RSPH10B: variants seen among roughly 807,000 people sequenced by gnomAD.
RSPH10B encodes the protein radial spoke head 10 homolog B, also known as radial spoke head 10 homolog B (Chlamydomonas).
In RSPH10B, 7 loss-of-function variants were observed where a neutral mutation model predicts 52.5. The observed-to-expected ratio is 0.13, with a 90% CI of 0.08 to 0.25. The LOEUF (loss-of-function observed/expected upper bound fraction) is 0.25, where lower values mean the gene tolerates loss of function less well. RSPH10B is among the 10% of genes least tolerant of loss of function. The pLI is 1.00. For synonymous variants in RSPH10B, 28 were observed against 193.2 expected (o/e 0.14, Z 7.09); for missense variants, 89 against 542.5 (o/e 0.16, Z 8.30).
chr7:5,953,735 CCT>C (rs1324126106), intron 7 of RSPH10B, among the ~76,000 whole-genome samples: 1 of 151,738 alleles, frequency 6.6e-6, no homozygotes, highest in Non-Finnish European at 1.5e-5. Context: ...CTCCCCCTCC[CCT>C]CTCTCTCTCC....
At chr7:5,947,925 G>A (rs1780499291) in intron 10 of RSPH10B, among the ~76,000 whole-genome samples, 1 of 85,352 alleles carries the variant, frequency 1.2e-5, no homozygotes, top group Admixed American at 1.2e-4. Context: ...AGGCTGGAGT[G>A]CAATGGCACA....
intron 17 of RSPH10B, among the ~76,000 whole-genome samples, chr7:5,930,973 A>C: frequency 2.7e-5 from 2 of 75,074 alleles, no homozygotes; most frequent in East Asian, 5.4e-4. Context: ...TCTCACTGTC[A>C]CCCAGGCTGG....
exon 6 of RSPH10B, chr7:5,957,910 G>A (rs1780783995): frequency 7.6e-7 from 1 of 1,323,972 alleles, no homozygotes; most frequent in Non-Finnish European, 9.9e-7. Flanking sequence ...GGCGTACCTG[G>A]ATGCCCCTCT....
chr7:5,942,723 G>C (rs1440016220), intron 13 of RSPH10B, among the ~76,000 whole-genome samples: 1 of 150,642 alleles, frequency 6.6e-6, no homozygotes, highest in Non-Finnish European at 1.5e-5. Flanking sequence ...TTAGCCAGGT[G>C]TGGTGGCGGG....
rs1188502014 is a variant in RSPH10B at position 5,957,927 on chromosome 7, G to A, written c.760C>T (p.Arg254Trp). ...CGTACCTGGATGCCCCTCTCCCACC[G>A]CCCGGTGTACTCTTCGTTGGTGGTC... The change falls in exon 6 of 19, where the codon CGG becomes TGG. Residue 254 changes from arginine to tryptophan, a missense_variant. Arg to Trp is a moderately radical substitution (Grantham distance 101). Transcript: ENST00000337579. The A allele has an allele frequency of 6.8e-5, 89 of 1,314,250 alleles. No homozygotes were observed. Among genetic ancestry groups the A allele is most frequent in the East Asian group, 4.8e-4 (12 of 25,162 alleles). The allele number at this position is 1,314,250 out of a possible 1,614,324, so 81.4% of individuals were successfully genotyped here.
At chr7:5,926,962 C>A (rs1267636577) in intron 18 of RSPH10B, among the ~76,000 whole-genome samples, 1 of 150,892 alleles carries the variant, frequency 6.6e-6, no homozygotes, top group Non-Finnish European at 1.5e-5. Context: ...ACCAGGTTGG[C>A]CAGGCTGGTC....
chr7:5,927,127 T>G (rs1362475941), intron 18 of RSPH10B, among the ~76,000 whole-genome samples: 2 of 145,270 alleles, frequency 1.4e-5, no homozygotes, highest in Non-Finnish European at 3.0e-5. Flanking sequence ...GGTCTTACTG[T>G]GTTGCCCAGG....
intron 13 of RSPH10B, 63 bp downstream of exon 15, chr7:5,943,261 C>A: frequency 6.4e-7 from 1 of 1,552,722 alleles, no homozygotes; most frequent in South Asian, 1.2e-5. Flanking sequence ...AATATCCTGC[C>A]TTTCTTTAAT....
At position 5,926,371 on chromosome 7, in the gene RSPH10B, CT is replaced by C. The variant is rs1487883677; in HGVS notation, c.2609del (p.Lys870SerfsTer26). ...GTGTGTGTGTCCTCGTGTCTCTCTA[CT>C]TTTTCTTCTTCTTGCTGGTGATGGT... On this transcript the variant is annotated frameshift_variant, in exon 19 of 19. Coordinates refer to ENST00000337579, the Ensembl canonical transcript of RSPH10B. LOFTEE classifies it high-confidence loss of function. The C allele has an allele frequency of 2.1e-6, 3 of 1,443,344 alleles. No individual in the cohort carries two copies. In the Admixed American group the frequency reaches 5.7e-5, roughly 27 times the overall value. 89.4% of individuals were successfully genotyped at this position (1,443,344 alleles called of 1,614,324 possible). A position where few individuals can be genotyped will look rare whatever the true frequency, so the allele number is the denominator to read the frequency against.
At chr7:5,937,572 A>AT (rs1284839750) in intron 15 of RSPH10B, among the ~76,000 whole-genome samples, 186 bp downstream of exon 17, 1 of 124,778 alleles carries the variant, frequency 8.0e-6, no homozygotes, top group Non-Finnish European at 1.9e-5. Context: ...CGCCCGGCTA[A>AT]TTTTTTTGTA....
intron 17 of RSPH10B, among the ~76,000 whole-genome samples, chr7:5,931,771 C>T (rs1779786434): frequency 6.6e-6 from 1 of 150,756 alleles, no homozygotes; most frequent in African/African-American, 2.4e-5. Flanking sequence ...GAGGCTGAGG[C>T]AGGCAGATCA....
At chr7:5,927,118 G>T (rs1436648200) in intron 18 of RSPH10B, among the ~76,000 whole-genome samples, 57 of 143,374 alleles carry the variant, frequency 4.0e-4, no homozygotes, top group African/African-American at 1.3e-3. Flanking sequence ...TTGAGATAGG[G>T]TCTTACTGTG....
intron 18 of RSPH10B, among the ~76,000 whole-genome samples, chr7:5,927,031 G>GTGTGTATATTA (rs1779474817): frequency 2.0e-5 from 1 of 49,210 alleles, no homozygotes. Context: ...ACGTGTGTGT[G>GTGTGTATATTA]TGTGTGTGTG....
At chr7:5,945,617 T>TA (rs1397464449) in intron 10 of RSPH10B, among the ~76,000 whole-genome samples, 47 of 36,808 alleles carry the variant, frequency 1.3e-3, no homozygotes, top group Non-Finnish European at 2.0e-3. Flanking sequence ...AGACTTCATC[T>TA]CAAAAAAAAA....
At chr7:5,944,031 C>T (rs1166664878) in intron 11 of RSPH10B, 41 bp from the exon 14 acceptor site, 1 of 1,609,024 alleles carries the variant, frequency 6.2e-7, no homozygotes, top group Non-Finnish European at 8.5e-7. Flanking sequence ...ACTTCTCCTC[C>T]AAAAGAGGGA....
chr7:5,931,879 C>G (rs1779793596), intron 17 of RSPH10B, among the ~76,000 whole-genome samples: 1 of 151,034 alleles, frequency 6.6e-6, no homozygotes, highest in Non-Finnish European at 1.5e-5. Context: ...ATCCCAGCTA[C>G]TAGGGAGGCT....
At chr7:5,927,103 T>C (rs981662562) in intron 18 of RSPH10B, among the ~76,000 whole-genome samples, 16 of 147,208 alleles carry the variant, frequency 1.1e-4, no homozygotes, top group African/African-American at 4.0e-4. Flanking sequence ...TGTGTATTTT[T>C]TTTTTTGAGA....
chr7:5,941,130 C>T (rs1292562748), intron 13 of RSPH10B, among the ~76,000 whole-genome samples: 3 of 102,220 alleles, frequency 2.9e-5, no homozygotes, highest in African/African-American at 1.0e-4. Context: ...GGCAATAACC[C>T]GTCTCTACAA....
At chr7:5,943,183 A>C in intron 13 of RSPH10B, 141 bp downstream of exon 15, 1 of 1,505,936 alleles carries the variant, frequency 6.6e-7, no homozygotes, top group South Asian at 1.3e-5. Context: ...CAAGAGACTC[A>C]GTAAACATTT....
Sources: gnomAD v4.1 joint callset for allele counts (sites outside exome capture counted in the v4.1 genomes callset) on GRCh38, gnomAD v4.1.1 for gene constraint, MANE v1.5 for transcripts, NCBI Gene and HGNC (gene_info 2026-07-23, HGNC 2026-07-21) for gene names.